Variants in OR51B5 observed in about 807,000 individuals in gnomAD.
OR51B5 encodes olfactory receptor 51B5.
For synonymous variants in OR51B5, 186 were observed against 144.8 expected, an observed-to-expected ratio of 1.28 and a Z score of -2.04; for missense variants, 456 against 374.6, an observed-to-expected ratio of 1.22 and a Z score of -1.79.
chr11:5,398,471 G>T (rs1318479470), intron 1 of OR51B5, among the ~76,000 whole-genome samples: 1 of 152,264 alleles, frequency 6.6e-6, no homozygotes, highest in Admixed American at 6.5e-5. Flanking sequence ...AAGAAGATAT[G>T]AATGCCACAG....
chr11:5,463,150 T>A (rs1287070810), intron 1 of OR51B5, among the ~76,000 whole-genome samples: 1 of 152,256 alleles, frequency 6.6e-6, no homozygotes, highest in South Asian at 2.1e-4. Flanking sequence ...AAAATATGTA[T>A]GAAATAGAAT....
At chr11:5,357,445 A>G (rs1015262505) in intron 1 of OR51B5, among the ~76,000 whole-genome samples, 3 of 151,718 alleles carry the variant, frequency 2.0e-5, no homozygotes, top group East Asian at 1.9e-4. Flanking sequence ...ACATATATGC[A>G]CCCAATACAG....
At chr11:5,422,605 C>G (rs993842607) in intron 1 of OR51B5, 1 of 1,614,148 alleles carries the variant, frequency 6.2e-7, no homozygotes, top group South Asian at 1.1e-5. Context: ...TCCATTATGC[C>G]TCCATCCTCA....
chr11:5,431,270 T>C, intron 1 of OR51B5: 1 of 317,810 alleles, frequency 3.1e-6, no homozygotes, highest in Non-Finnish European at 6.3e-6. Flanking sequence ...CCTGACTCCA[T>C]GCAGGAGAAG....
At chr11:5,492,051 C>A (rs1231011995) in intron 1 of OR51B5, among the ~76,000 whole-genome samples, 4 of 152,160 alleles carry the variant, frequency 2.6e-5, no homozygotes, top group Admixed American at 2.6e-4. Flanking sequence ...AAATTTGTTC[C>A]TTTATCCCCA....
At chr11:5,454,453 T>C in intron 1 of OR51B5, 1 of 1,567,000 alleles carries the variant, frequency 6.4e-7, no homozygotes, top group South Asian at 1.2e-5. Context: ...TTAGAATCTG[T>C]TATTTTGGCC....
At chr11:5,415,541 A>G (rs188161802) in intron 1 of OR51B5, among the ~76,000 whole-genome samples, 119 of 152,304 alleles carry the variant, frequency 7.8e-4, no homozygotes, top group Middle Eastern at 3.4e-3. Context: ...AGACTAATAA[A>G]GAAAAAAAGA....
chr11:5,404,262 G>C (rs374324189), intron 1 of OR51B5, among the ~76,000 whole-genome samples: 2 of 152,152 alleles, frequency 1.3e-5, no homozygotes, highest in African/African-American at 4.8e-5. Context: ...CTAAAGGTTT[G>C]TAAACACACC....
Position 5,386,507 on chromosome 11 carries a change from A to G in OR51B5, n.85-39597T>C, listed in dbSNP as rs1849698023. On this transcript the variant is annotated intron_variant and non_coding_transcript_variant, in intron 1 of 4. Transcript: ENST00000415970. ...TCAAGCTTTTCACAGCATCTAAATC[A>G]TGTATGGCCTCAATAAATTGGACTA... 2.0e-5 allele frequency among the ~76,000 whole-genome samples: 3 copies of G among 152,244 alleles called. No homozygotes were observed. The East Asian group carries it at 5.8e-4, about 29-fold the overall frequency.
chr11:5,426,640 A>G (rs774830863), intron 1 of OR51B5, among the ~76,000 whole-genome samples: 4 of 145,104 alleles, frequency 2.8e-5, no homozygotes, highest in African/African-American at 5.6e-5. Flanking sequence ...GTTAGGGCAC[A>G]AAAAAGCCCC....
At chr11:5,479,827 A>G (rs1261658789) in intron 1 of OR51B5, among the ~76,000 whole-genome samples, 2 of 144,442 alleles carry the variant, frequency 1.4e-5, no homozygotes, top group Admixed American at 6.9e-5. Flanking sequence ...CTAAATATAT[A>G]TGCACCCAAT....
intron 1 of OR51B5, chr11:5,422,531 T>G: frequency 6.2e-7 from 1 of 1,614,166 alleles, no homozygotes; most frequent in South Asian, 1.1e-5. Context: ...TGGATTCTCC[T>G]TTATGGAGTC....
chr11:5,440,747 G>A (rs1850668722), intron 1 of OR51B5: 1 of 1,613,954 alleles, frequency 6.2e-7, no homozygotes, highest in African/African-American at 1.3e-5. Context: ...CAGCAATTAT[G>A]GGCACATAAA....
intron 1 of OR51B5, among the ~76,000 whole-genome samples, chr11:5,425,777 C>A (rs1241377743): frequency 2.0e-5 from 3 of 151,990 alleles, no homozygotes; most frequent in Non-Finnish European, 4.4e-5. Context: ...TTTAAGTTAG[C>A]TATTTAAGAG....
chr11:5,494,293 T>C (rs529285310), intron 1 of OR51B5, among the ~76,000 whole-genome samples: 2 of 152,332 alleles, frequency 1.3e-5, no homozygotes, highest in South Asian at 2.1e-4. Flanking sequence ...TTCCCCCTCA[T>C]AGACTTTGAG....
At chr11:5,379,567 T>C (rs1452364189) in intron 1 of OR51B5, among the ~76,000 whole-genome samples, 3 of 152,134 alleles carry the variant, frequency 2.0e-5, no homozygotes, top group African/African-American at 7.2e-5. Context: ...AATGTGTCTT[T>C]TTCTATGTCT....
intron 1 of OR51B5, chr11:5,403,639 T>C: frequency 2.5e-6 from 1 of 395,906 alleles, no homozygotes; most frequent in Non-Finnish European, 5.2e-6. Flanking sequence ...GCGATTGATA[T>C]CACCTTAAAA....
intron 1 of OR51B5, chr11:5,468,508 A>C (rs1851172887): frequency 2.8e-6 from 1 of 360,906 alleles, no homozygotes; most frequent in Non-Finnish European, 5.5e-6. Context: ...TCCCAATAAC[A>C]TCTTGTGTAG....
intron 1 of OR51B5, among the ~76,000 whole-genome samples, chr11:5,465,477 C>CA (rs1210744978): frequency 4.0e-5 from 6 of 151,666 alleles, no homozygotes; most frequent in Admixed American, 2.6e-4. Flanking sequence ...CATATGGAAC[C>CA]AAAAAAGAGC....
Sources: allele counts gnomAD v4.1 joint callset (sites outside exome capture counted in the v4.1 genomes callset), GRCh38; gene constraint gnomAD v4.1.1; transcripts MANE v1.5; gene names NCBI Gene and HGNC (gene_info 2026-07-23, HGNC 2026-07-21).